The following ABCA6 variants were observed in gnomAD, a reference collection of about 807,000 sequenced individuals.
ABCA6 encodes ATP-binding cassette sub-family A member 6.
In ABCA6, 164 loss-of-function variants were observed where a neutral mutation model predicts 191.2. The ratio of observed to expected loss-of-function variants is 0.86; its 90% CI spans 0.76 to 0.98. The LOEUF is 0.98. Ranked by LOEUF, ABCA6 falls within the 50% of genes least tolerant of loss-of-function variation. The pLI, the probability that ABCA6 is intolerant of heterozygous loss-of-function variation, is 0.00. For synonymous variants in ABCA6, 636 were observed against 647.7 expected, an observed-to-expected ratio of 0.98 and a Z score of 0.27; for missense variants, 1,958 against 1,894.1, an observed-to-expected ratio of 1.03 and a Z score of -0.63.
chr17:69,113,406 A>G, intron 14 of ABCA6, 46 bp from the exon 15 acceptor site: 1 of 1,564,236 alleles, frequency 6.4e-7, no homozygotes, highest in Non-Finnish European at 8.6e-7. Context: ...TTTCACATTA[A>G]CTGTATCCAG....
intron 10 of ABCA6, among the ~76,000 whole-genome samples, chr17:69,119,750 T>TCA (rs926221464): frequency 2.6e-5 from 4 of 152,036 alleles, no homozygotes; most frequent in African/African-American, 7.2e-5. Context: ...ATACATGCAC[T>TCA]CACACACACA....
intron 28 of ABCA6, 150 bp from the exon 29 acceptor site, chr17:69,087,623 C>T (rs536821199): frequency 4.6e-5 from 47 of 1,021,012 alleles, no homozygotes; most frequent in Middle Eastern, 5.8e-4. Context: ...TCTGCTTTTG[C>T]CAAGAACTCC....
intron 5 of ABCA6, among the ~76,000 whole-genome samples, chr17:69,134,108 T>C (rs2073909953): frequency 6.6e-6 from 1 of 152,184 alleles, no homozygotes; most frequent in South Asian, 2.1e-4. Context: ...ACCAATAAAA[T>C]TGGTTTTAAA....
intron 34 of ABCA6, 147 bp downstream of exon 34, chr17:69,084,114 G>A (rs1248910240): frequency 5.8e-6 from 4 of 693,250 alleles, no homozygotes; most frequent in Non-Finnish European, 9.6e-6. Flanking sequence ...ATCATCTACT[G>A]GTTAAATATT....
At chr17:69,113,459 T>A in intron 14 of ABCA6, 99 bp from the exon 15 acceptor site, 2 of 1,516,056 alleles carry the variant, frequency 1.3e-6, no homozygotes, top group Non-Finnish European at 1.8e-6. Context: ...ATAATAACCA[T>A]CCAGCCATTT....
At chr17:69,126,715 T>G (rs1257319286) in intron 8 of ABCA6, among the ~76,000 whole-genome samples, 1 of 152,078 alleles carries the variant, frequency 6.6e-6, no homozygotes, top group East Asian at 1.9e-4. Context: ...CAAAGATATA[T>G]TATGTTCATG....
intron 18 of ABCA6, among the ~76,000 whole-genome samples, chr17:69,106,593 G>GGA (rs573364585): frequency 4.9e-5 from 5 of 102,146 alleles, no homozygotes; most frequent in African/African-American, 7.9e-5. Context: ...ACTCCATCTC[G>GGA]AAAAAAAAAA....
At chr17:69,139,146 A>G (rs534472057) in intron 2 of ABCA6, among the ~76,000 whole-genome samples, 1 of 152,350 alleles carries the variant, frequency 6.6e-6, no homozygotes, top group South Asian at 2.1e-4. Flanking sequence ...AACTACCATC[A>G]GGGTGAACAG....
chr17:69,083,335 C>T lies in ABCA6; in HGVS notation c.4356-4G>A, dbSNP rs1309792735. ...AACGACTGCCTGGATTGCCTGCCTG[C>T]AGTGAGCAAAAAAATTAACAGTATT... On this transcript the variant is annotated splice_region_variant and splice_polypyrimidine_tract_variant and intron_variant, in intron 34 of 38. Transcript: ENST00000284425. The T allele has an allele frequency of 2.8e-5, 44 of 1,567,322 alleles. No individual in the cohort carries two copies. The highest frequency in any genetic ancestry group is 1.7e-4 in the Middle Eastern group (1 of 5,864).
At chr17:69,105,874 T>C (rs1445563371) in intron 19 of ABCA6, 154 bp downstream of exon 19, 4 of 841,052 alleles carry the variant, frequency 4.8e-6, no homozygotes, top group Non-Finnish European at 7.2e-6. Context: ...AGTGTGAACA[T>C]ACAGGTATTC....
At position 69,081,105 on chromosome 17, in the gene ABCA6, C is replaced by G. The variant is rs187301384; in HGVS notation, c.4657G>C (p.Val1553Leu). Reference protein sequence around the residue: ...LLTYKLPVADVYPLSQTFHKL... With the variant: ...LLTYKLPVADLYPLSQTFHKL... ...TGAAAGGTCTGTGATAGAGGGTAAACGTCTGCCACGGGCAGCTTATAGGTT... is the reference window on the plus strand; with the variant it reads ...TGAAAGGTCTGTGATAGAGGGTAAAGGTCTGCCACGGGCAGCTTATAGGTT... The change falls in exon 37 of 39, where the codon GTT becomes CTT. Residue 1553 changes from valine (V) to leucine (L), a missense_variant. Transcript: ENST00000284425. The G allele has an allele frequency of 5.6e-6, 9 of 1,604,754 alleles. No homozygotes were observed. The Admixed American group carries it at 1.0e-4, about 18-fold the overall frequency.
chr17:69,091,712 C>T (rs2072927250), intron 25 of ABCA6, among the ~76,000 whole-genome samples: 1 of 43,812 alleles, frequency 2.3e-5, no homozygotes. Flanking sequence ...TTAGTAGAGA[C>T]GGGGTTTCAC....
At chr17:69,087,960 A>C (rs2072841418) in intron 28 of ABCA6, among the ~76,000 whole-genome samples, 1 of 152,148 alleles carries the variant, frequency 6.6e-6, no homozygotes, top group African/African-American at 2.4e-5. Flanking sequence ...TTTTGGATGG[A>C]GTGAAGGTTT....
At chr17:69,123,478 AC>A in intron 9 of ABCA6, 71 bp from the exon 10 acceptor site, 1 of 1,106,888 alleles carries the variant, frequency 9.0e-7, no homozygotes, top group Non-Finnish European at 1.2e-6. Context: ...CTTGCTAACA[AC>A]AATGCAGAAT....
At chr17:69,136,629 G>A (rs1228584999) in intron 3 of ABCA6, among the ~76,000 whole-genome samples, 1 of 152,102 alleles carries the variant, frequency 6.6e-6, no homozygotes, top group East Asian at 1.9e-4. Flanking sequence ...CAATTTATAT[G>A]ACCTTTGCCT....
intron 15 of ABCA6, 81 bp from the exon 16 acceptor site, chr17:69,112,354 CTCAGAA>C (rs1260438380): frequency 9.4e-7 from 1 of 1,067,208 alleles, no homozygotes. Context: ...GGAGCCAAGG[CTCAGAA>C]GTGCAAAGGA....
At chr17:69,110,659 T>C in intron 17 of ABCA6, 142 bp downstream of exon 17, 1 of 943,802 alleles carries the variant, frequency 1.1e-6, no homozygotes, top group South Asian at 1.9e-5. Context: ...TCAGTGGCAC[T>C]CAATCCTTCC....
intron 25 of ABCA6, 27 bp downstream of exon 25, chr17:69,096,213 C>T (rs2073040659): frequency 8.8e-7 from 1 of 1,133,634 alleles, no homozygotes; most frequent in South Asian, 2.1e-5. Flanking sequence ...AACACTATTT[C>T]TCTATTTGTA....
At chr17:69,135,998 G>A in intron 4 of ABCA6, 94 bp downstream of exon 4, 2 of 1,169,718 alleles carry the variant, frequency 1.7e-6, no homozygotes, top group Non-Finnish European at 2.5e-6. Flanking sequence ...GTTTTCTCAT[G>A]TGTCATTGAA....
Sources: allele counts gnomAD v4.1 joint callset (sites outside exome capture counted in the v4.1 genomes callset), GRCh38; gene constraint gnomAD v4.1.1; transcripts MANE v1.5; gene names NCBI Gene and HGNC (gene_info 2026-07-23, HGNC 2026-07-21).